The following MMP26 variants were observed in gnomAD, a reference collection of about 807,000 sequenced individuals.
MMP26 encodes the protein matrix metalloproteinase-26.
Under a neutral mutation model 31.0 loss-of-function variants are expected in MMP26, and 33 were observed. The observed-to-expected ratio is 1.06, with a 90% CI of 0.81 to 1.42. MMP26 has a LOEUF of 1.42. MMP26 is among the 40% of genes most tolerant of loss of function. MMP26 has a pLI of 0.00. For synonymous variants in MMP26, 122 were observed against 114.9 expected (o/e 1.06, Z -0.40); for missense variants, 347 against 316.1 (o/e 1.10, Z -0.74).
intron 2 of MMP26, among the ~76,000 whole-genome samples, chr11:4,822,994 G>GTAAGGA (rs1849531234): frequency 6.6e-6 from 1 of 152,120 alleles, no homozygotes; most frequent in Admixed American, 6.5e-5. Context: ...CATTCTAGGA[G>GTAAGGA]TAAGGATAAC....
At chr11:4,908,628 A>G in intron 2 of MMP26, 2 of 383,310 alleles carry the variant, frequency 5.2e-6, no homozygotes, top group Middle Eastern at 8.3e-4. Context: ...TTCAGTTAGT[A>G]TCTATTAAAA....
intron 2 of MMP26, among the ~76,000 whole-genome samples, chr11:4,892,724 G>A (rs1850644198): frequency 6.6e-6 from 1 of 152,034 alleles, no homozygotes; most frequent in Middle Eastern, 3.2e-3. Context: ...TCTATATGAG[G>A]ATGTTCTCTG....
chr11:4,981,265 C>T lies in MMP26; in HGVS notation c.-144-6803C>T, dbSNP rs550814370. 4.6e-5 allele frequency among the ~76,000 whole-genome samples: 7 copies of T among 152,008 alleles called. No individual in the cohort carries two copies. The East Asian group carries it at 9.7e-4, about 21-fold the overall frequency. ...GCATACCTGTGTGTATGTCATACAA[C>T]GCTTAATGATAGAGATACTCATTCT... On this transcript the variant is annotated intron_variant, in intron 2 of 7. Coordinates refer to ENST00000380390, the MANE Select transcript of MMP26 (RefSeq NM_021801.5).
intron 2 of MMP26, among the ~76,000 whole-genome samples, chr11:4,868,328 C>A (rs899239564): frequency 3.9e-5 from 6 of 152,160 alleles, no homozygotes; most frequent in Admixed American, 3.3e-4. Context: ...CCCATCGTCT[C>A]AGCTCAAAAT....
intron 1 of MMP26, among the ~76,000 whole-genome samples, chr11:4,737,592 G>T (rs559837546): frequency 5.3e-5 from 8 of 152,280 alleles, no homozygotes; most frequent in Middle Eastern, 3.4e-3. Context: ...GCGGTGAGCC[G>T]AGATCACGCC....
chr11:4,804,212 T>G (rs756315746), intron 2 of MMP26: 2 of 1,613,876 alleles, frequency 1.2e-6, no homozygotes, highest in South Asian at 2.2e-5. Context: ...TCATGCAGGG[T>G]GTGGTCAATT....
chr11:4,798,217 C>T (rs900674684), intron 2 of MMP26, among the ~76,000 whole-genome samples: 8 of 152,220 alleles, frequency 5.3e-5, no homozygotes, highest in African/African-American at 1.9e-4. Flanking sequence ...AGGGAAGAGA[C>T]AAGCTCTGCA....
chr11:4,828,011 A>C (rs949363838), intron 2 of MMP26, among the ~76,000 whole-genome samples: 1 of 152,200 alleles, frequency 6.6e-6, no homozygotes, highest in Non-Finnish European at 1.5e-5. Flanking sequence ...TAAGGCAAAC[A>C]TGAGCCATAT....
At chr11:4,783,118 A>G (rs71480717) in intron 2 of MMP26, among the ~76,000 whole-genome samples, 14,450 of 152,306 alleles carry the variant, frequency 0.095, 860 homozygotes, top group Middle Eastern at 0.15. Flanking sequence ...ACGATCCTCC[A>G]GACCCCAGAA....
chr11:4,861,055 G>T (rs1262987623), intron 2 of MMP26, among the ~76,000 whole-genome samples: 3 of 133,060 alleles, frequency 2.3e-5, no homozygotes, highest in African/African-American at 5.4e-5. Flanking sequence ...TGTGTATAAG[G>T]GTATTATATA....
intron 2 of MMP26, among the ~76,000 whole-genome samples, chr11:4,798,740 A>C (rs915181351): frequency 1.3e-5 from 2 of 152,232 alleles, no homozygotes; most frequent in African/African-American, 4.8e-5. Flanking sequence ...TAAGGAAGAG[A>C]TGTGAACTTT....
intron 2 of MMP26, among the ~76,000 whole-genome samples, chr11:4,854,986 G>A (rs7948131): frequency 0.23 from 35,561 of 152,068 alleles, 4,510 homozygotes; most frequent in South Asian, 0.34. Flanking sequence ...CTCCAACAGA[G>A]CTACAGCTAA....
At chr11:4,815,928 C>G (rs7925661) in intron 2 of MMP26, among the ~76,000 whole-genome samples, 2,367 of 152,250 alleles carry the variant, frequency 0.016, 56 homozygotes, top group African/African-American at 0.045. Flanking sequence ...CGTGTTCACT[C>G]AATTTTACAA....
chr11:4,894,630 A>G (rs1013140677), intron 2 of MMP26, among the ~76,000 whole-genome samples: 2 of 152,138 alleles, frequency 1.3e-5, no homozygotes, highest in African/African-American at 4.8e-5. Flanking sequence ...AAATGTCCAT[A>G]ATGATTGTAG....
chr11:4,762,203 C>CT (rs1303309288), intron 1 of MMP26, among the ~76,000 whole-genome samples: 2 of 152,136 alleles, frequency 1.3e-5, no homozygotes, highest in African/African-American at 4.8e-5. Context: ...ATTCACCTCT[C>CT]TTGAAGATCC....
At chr11:4,737,839 T>G (rs1442413034) in intron 1 of MMP26, among the ~76,000 whole-genome samples, 1 of 152,220 alleles carries the variant, frequency 6.6e-6, no homozygotes, top group Non-Finnish European at 1.5e-5. Context: ...AAATTTATTA[T>G]TTAAGAAAAA....
intron 1 of MMP26, among the ~76,000 whole-genome samples, chr11:4,730,308 G>A (rs980672114): frequency 6.6e-6 from 1 of 152,022 alleles, no homozygotes; most frequent in Admixed American, 6.6e-5. Flanking sequence ...TATTGGAAGG[G>A]GATGACAGAC....
intron 1 of MMP26, chr11:4,710,090 T>A (rs555295928): frequency 2.2e-6 from 1 of 456,830 alleles, no homozygotes; most frequent in South Asian, 1.5e-5. Flanking sequence ...GCCGTAGTCA[T>A]GTGCTCCACC....
chr11:4,873,067 C>G (rs1850332059), intron 2 of MMP26, among the ~76,000 whole-genome samples: 1 of 152,040 alleles, frequency 6.6e-6, no homozygotes, highest in Non-Finnish European at 1.5e-5. Flanking sequence ...TTACTCATGA[C>G]ACATCTGGTA....
Sources: allele counts gnomAD v4.1 joint callset (sites outside exome capture counted in the v4.1 genomes callset), GRCh38; gene constraint gnomAD v4.1.1; transcripts MANE v1.5; gene names NCBI Gene and HGNC (gene_info 2026-07-23, HGNC 2026-07-21).